The following HSDL2 variants were observed in gnomAD, a reference collection of about 807,000 sequenced individuals.
HSDL2 encodes hydroxysteroid dehydrogenase like 2, also known as hydroxysteroid dehydrogenase-like protein 2.
In HSDL2, 27 loss-of-function variants were observed where a neutral mutation model predicts 46.3. The ratio of observed to expected loss-of-function variants is 0.58; its 90% CI spans 0.43 to 0.80. The LOEUF is 0.80. Ranked by LOEUF, HSDL2 falls within the 30% of genes least tolerant of loss-of-function variation. HSDL2 has a pLI of 0.00. For synonymous variants in HSDL2, 153 were observed against 163.6 expected, an observed-to-expected ratio of 0.94 and a Z score of 0.50; for missense variants, 451 against 502.7, an observed-to-expected ratio of 0.90 and a Z score of 0.98.
At chr9:112,445,983 A>G (rs185507200) in intron 8 of HSDL2, among the ~76,000 whole-genome samples, 18 of 152,360 alleles carry the variant, frequency 1.2e-4, no homozygotes, top group Non-Finnish European at 2.4e-4. Flanking sequence ...GTATTGACAC[A>G]TCATAATGAT....
At chr9:112,423,633 T>G (rs1396118642) in intron 6 of HSDL2, among the ~76,000 whole-genome samples, 2 of 151,552 alleles carry the variant, frequency 1.3e-5, no homozygotes, top group East Asian at 3.9e-4. Flanking sequence ...TCTAAAGGAC[T>G]TATATGAGCA....
At chr9:112,402,752 C>G (rs916796517) in intron 1 of HSDL2, among the ~76,000 whole-genome samples, 1 of 152,004 alleles carries the variant, frequency 6.6e-6, no homozygotes, top group East Asian at 1.9e-4. Context: ...GAAATCACGT[C>G]TCTGCTAAAA....
chr9:112,381,415 G>T (rs1188569731), intron 1 of HSDL2, among the ~76,000 whole-genome samples: 1 of 152,146 alleles, frequency 6.6e-6, no homozygotes, highest in East Asian at 1.9e-4. Flanking sequence ...AGTCTGGAGT[G>T]CAGTGGCATG....
At chr9:112,458,891 G>A (rs889300751) in intron 9 of HSDL2, among the ~76,000 whole-genome samples, 3 of 151,818 alleles carry the variant, frequency 2.0e-5, no homozygotes, top group Admixed American at 1.3e-4. Flanking sequence ...TGAGGCAGGA[G>A]AATAGCATGA....
chr9:112,426,297 A>G (rs944863499), intron 6 of HSDL2, among the ~76,000 whole-genome samples: 6 of 140,296 alleles, frequency 4.3e-5, no homozygotes, highest in Non-Finnish European at 7.5e-5. Context: ...GTGCAGTGGC[A>G]TGATCTCAGC....
In HSDL2 at chr9:112,408,906, G is replaced by C. The variant is rs372042687; in HGVS notation, c.281-1G>C. On this transcript the variant is annotated splice_acceptor_variant, in intron 3 of 10. Coordinates refer to ENST00000398805, the MANE Select transcript of HSDL2 (RefSeq NM_032303.5). LOFTEE classifies it high-confidence loss of function. The stretch of plus-strand genomic sequence containing the variant: ...AATGAAATTGATTATTTTGAAAACA[G>C]GAATTGATATTCTGGTAAATAATGC... 5 of 1,441,272 alleles carry C rather than the reference G, an allele frequency of 3.5e-6. No homozygotes were observed. The highest frequency in any genetic ancestry group is 4.8e-6 in the Non-Finnish European group (5 of 1,038,962). 89.3% of individuals were successfully genotyped at this position (1,441,272 alleles called of 1,614,324 possible).
chr9:112,401,698 G>A (rs1236242621), intron 1 of HSDL2, among the ~76,000 whole-genome samples: 3 of 150,730 alleles, frequency 2.0e-5, no homozygotes, highest in African/African-American at 7.3e-5. Context: ...AACATTTAAG[G>A]TAGTTTTCGT....
chr9:112,395,955 C>T (rs375282849), intron 1 of HSDL2, among the ~76,000 whole-genome samples: 1 of 152,160 alleles, frequency 6.6e-6, no homozygotes, highest in Non-Finnish European at 1.5e-5. Context: ...GATTAGGAGG[C>T]GTAGCAGTGG....
intron 4 of HSDL2, among the ~76,000 whole-genome samples, chr9:112,412,919 C>T (rs550958027): frequency 6.6e-6 from 1 of 151,316 alleles, no homozygotes; most frequent in African/African-American, 2.4e-5. Context: ...ACCTGGGCAA[C>T]ATAGTGAACC....
chr9:112,401,160 CAAGTGAGT>C (rs1831582473), intron 1 of HSDL2, among the ~76,000 whole-genome samples: 1 of 152,016 alleles, frequency 6.6e-6, no homozygotes, highest in African/African-American at 2.4e-5. Flanking sequence ...TCTTACTTAG[CAAGTGAGT>C]AAGTAAAAAG....
intron 7 of HSDL2, among the ~76,000 whole-genome samples, chr9:112,441,253 A>G (rs1832631081): frequency 6.6e-6 from 1 of 152,134 alleles, no homozygotes; most frequent in Non-Finnish European, 1.5e-5. Context: ...CTTAGTGTTC[A>G]TGATGATGGA....
chr9:112,428,724 G>C (rs1832308398), intron 6 of HSDL2, among the ~76,000 whole-genome samples: 1 of 152,130 alleles, frequency 6.6e-6, no homozygotes, highest in African/African-American at 2.4e-5. Context: ...ACTTTATGGT[G>C]CCTCTCTTTT....
intron 8 of HSDL2, among the ~76,000 whole-genome samples, chr9:112,444,768 A>G (rs1345413853): frequency 6.7e-6 from 1 of 148,248 alleles, no homozygotes; most frequent in African/African-American, 2.5e-5. Context: ...ATGCAATACC[A>G]TTATTTCTTC....
At chr9:112,397,997 C>T (rs62569976) in intron 1 of HSDL2, among the ~76,000 whole-genome samples, 21,376 of 152,020 alleles carry the variant, frequency 0.14, 1,865 homozygotes, top group East Asian at 0.21. Context: ...ATAAGTGTTG[C>T]ATGGAAGTTT....
intron 4 of HSDL2, among the ~76,000 whole-genome samples, chr9:112,411,537 G>A (rs1021628722): frequency 2.0e-5 from 3 of 152,124 alleles, no homozygotes; most frequent in African/African-American, 7.2e-5. Context: ...TTAGCCAGGC[G>A]TGGTGGTGTG....
chr9:112,449,110 A>G (rs1331947289), intron 8 of HSDL2, among the ~76,000 whole-genome samples: 4 of 147,434 alleles, frequency 2.7e-5, no homozygotes, highest in Non-Finnish European at 6.0e-5. Context: ...CTTTTAAGAC[A>G]AAGTCTCACT....
intron 3 of HSDL2, among the ~76,000 whole-genome samples, chr9:112,406,270 C>A (rs1210262702): frequency 6.6e-6 from 1 of 151,818 alleles, no homozygotes; most frequent in Non-Finnish European, 1.5e-5. Flanking sequence ...TTAATCGGTA[C>A]AATGTTTGCT....
chr9:112,406,704 A>G lies in HSDL2; in HGVS notation c.280+982A>G, dbSNP rs573653833. 3.9e-5 allele frequency among the ~76,000 whole-genome samples: 6 copies of G among 152,208 alleles called. No individual in the cohort carries two copies. In the East Asian group the frequency reaches 9.7e-4, roughly 25 times the overall value. ...AGGCTGGTCTCGAACTCCTGACTTC[A>G]TGATCCACCCAACTCAGCCTCCCAA... On this transcript the variant is annotated intron_variant, in intron 3 of 10. Coordinates refer to ENST00000398805, the MANE Select transcript of HSDL2 (RefSeq NM_032303.5).
intron 6 of HSDL2, among the ~76,000 whole-genome samples, chr9:112,434,285 A>G (rs1252873472): frequency 1.3e-5 from 2 of 152,090 alleles, no homozygotes; most frequent in African/African-American, 4.8e-5. Context: ...CTGATTTGGT[A>G]ATGGCTACAG....
Sources: gnomAD v4.1 joint callset for allele counts (sites outside exome capture counted in the v4.1 genomes callset) on GRCh38, gnomAD v4.1.1 for gene constraint, MANE v1.5 for transcripts, NCBI Gene and HGNC (gene_info 2026-07-23, HGNC 2026-07-21) for gene names.